The following A2M variants were observed in gnomAD, a reference collection of about 807,000 sequenced individuals.
The protein encoded by A2M is alpha-2-macroglobulin.
Under a neutral mutation model 183.9 loss-of-function variants are expected in A2M, and 128 were observed. The ratio of observed to expected loss-of-function variants is 0.70; its 90% CI spans 0.60 to 0.81. The LOEUF (loss-of-function observed/expected upper bound fraction) is 0.81, where lower values mean the gene tolerates loss of function less well. A2M is among the 30% of genes least tolerant of loss of function. The pLI is 0.00. For missense variants in A2M, 1,495 were observed against 1,787.6 expected (o/e 0.84, Z 2.95); for synonymous variants, 592 against 670.8 (o/e 0.88, Z 1.81).
chr12:9,098,756 C>T lies in A2M; in HGVS notation c.1702G>A (p.Val568Met). 2 of 1,612,506 alleles carry T rather than the reference C, an allele frequency of 1.2e-6. No individual in the cohort carries two copies. Among genetic ancestry groups the T allele is most frequent in the South Asian group, 1.1e-5 (1 of 90,312 alleles). Residue 568 changes from valine (V) to methionine (M), a missense_variant and splice_region_variant, in exon 15 of 36, where the codon GTG becomes ATG. Transcript: ENST00000318602. ...TGTGATGGGCTGAAGCTCAAATCCA[C>T]CTGTGAAATTGGAACAAAAGGTCAG... ...YDVENCLANKVDLSFSPSQSL... is the reference protein window; with the variant it reads ...YDVENCLANKMDLSFSPSQSL...
chr12:9,072,895 G>A lies in A2M; in HGVS notation c.3757-24C>T, dbSNP rs758631230. 5 of 1,595,616 alleles carry A rather than the reference G, an allele frequency of 3.1e-6. No individual in the cohort carries two copies. In the South Asian group the frequency reaches 5.5e-5, roughly 18 times the overall value. On this transcript the variant is annotated intron_variant, in intron 29 of 35. Coordinates refer to ENST00000318602, the MANE Select transcript of A2M (RefSeq NM_000014.6). ...TCCTGTTAGAGACAGATGAGTGAGA[G>A]AACCCATTGGGCATTATAAGGCTTT...
At position 9,072,470 on chromosome 12, in the gene A2M, T is replaced by G. The variant is rs756112202; in HGVS notation, c.3992A>C (p.Asn1331Thr). ...GAACTCTTCCTTTTCTGGGAGAATATTGTATTTCAAGGATGTCTATAGAAC... is the reference window on the plus strand; with the variant it reads ...GAACTCTTCCTTTTCTGGGAGAATAGTGTATTTCAAGGATGTCTATAGAAC... ...CVYLQTSLKY[N>T]ILPEKEEFPF... is the part of the protein sequence containing the mutation. The change falls in exon 31 of 36, where the codon AAT becomes ACT. Residue 1331 changes from asparagine (N) to threonine (T), a missense_variant. Asn to Thr is a moderately conservative substitution (Grantham distance 65, BLOSUM62 0). Coordinates refer to ENST00000318602, the MANE Select transcript of A2M (RefSeq NM_000014.6). The G allele has an allele frequency of 6.2e-7, 1 of 1,611,966 alleles. No individual in the cohort carries two copies. Among genetic ancestry groups the G allele is most frequent in the Non-Finnish European group, 8.5e-7 (1 of 1,179,388 alleles).
chr12:9,089,336 T>C, intron 21 of A2M, 85 bp from the exon 22 acceptor site: 2 of 978,528 alleles, frequency 2.0e-6, no homozygotes, highest in Non-Finnish European at 3.2e-6. Context: ...GATATTTGGA[T>C]AGTGAAGAGA....
chr12:9,095,296 T>C (rs1232497948), intron 16 of A2M, among the ~76,000 whole-genome samples: 1 of 152,202 alleles, frequency 6.6e-6, no homozygotes. Flanking sequence ...TATATGTGAT[T>C]TTAATAAACA....
intron 22 of A2M, among the ~76,000 whole-genome samples, chr12:9,083,950 C>T (rs943615518): frequency 3.9e-5 from 6 of 152,070 alleles, no homozygotes; most frequent in African/African-American, 1.4e-4. Flanking sequence ...AAACATATCA[C>T]ATACAAAGGA....
rs766640574 is a variant in A2M at position 9,098,711 on chromosome 12, C to T, written c.1747G>A (p.Ala583Thr). ...GGAGCCGCTGTGACTCGCAGGTGGG[C>T]GTGTGAGGCTGGGAGACTTTGTGAT... ...SPSQSLPASH[A>T]HLRVTAAPQS... is the part of the protein sequence containing the mutation. The change falls in exon 15 of 36, where the codon GCC (alanine) becomes ACC (threonine). Residue 583 changes from alanine to threonine, a missense_variant. Ala to Thr is a moderately conservative substitution (Grantham distance 58). Coordinates refer to ENST00000318602, the MANE Select transcript of A2M (RefSeq NM_000014.6). 46 of 1,612,626 alleles carry T rather than the reference C, an allele frequency of 2.9e-5. No homozygotes were observed. The highest frequency in any genetic ancestry group is 3.6e-5 in the Non-Finnish European group (43 of 1,179,602).
chr12:9,085,500 T>C (rs746133510), intron 22 of A2M, among the ~76,000 whole-genome samples: 55 of 151,802 alleles, frequency 3.6e-4, no homozygotes, highest in African/African-American at 1.3e-3. Flanking sequence ...AAACATAGCA[T>C]AAAGTAAAAG....
chr12:9,097,839 G>T (rs1949431170), intron 15 of A2M, among the ~76,000 whole-genome samples: 2 of 152,056 alleles, frequency 1.3e-5, no homozygotes. Flanking sequence ...CATTATATTG[G>T]CCAGACTGGT....
chr12:9,114,432 ATACT>A (rs1467838266), intron 1 of A2M, among the ~76,000 whole-genome samples: 1 of 152,190 alleles, frequency 6.6e-6, no homozygotes, highest in African/African-American at 2.4e-5. Flanking sequence ...TTTTAAATTA[ATACT>A]TAGATTACTT....
At chr12:9,105,355 C>A (rs1592384902) in intron 10 of A2M, among the ~76,000 whole-genome samples, 6 of 152,194 alleles carry the variant, frequency 3.9e-5, no homozygotes, top group Admixed American at 3.9e-4. Flanking sequence ...TTACAAAGTA[C>A]ACTATCTTTC....
intron 15 of A2M, among the ~76,000 whole-genome samples, chr12:9,095,926 ATTTTTTG>A (rs1949367523): frequency 6.7e-6 from 1 of 148,178 alleles, no homozygotes. Context: ...CGCCCGGCTA[ATTTTTTG>A]TATTTTTAGT....
At chr12:9,099,210 AAGGAAT>A (rs1347226731) in intron 14 of A2M, among the ~76,000 whole-genome samples, 165 bp downstream of exon 14, 1 of 139,054 alleles carries the variant, frequency 7.2e-6, no homozygotes, top group Non-Finnish European at 1.6e-5. Context: ...AGTTTTGTAT[AAGGAAT>A]CAAGTGATTC....
intron 22 of A2M, among the ~76,000 whole-genome samples, chr12:9,088,808 A>C (rs2137774153): frequency 6.6e-6 from 1 of 152,348 alleles, no homozygotes; most frequent in South Asian, 2.1e-4. Flanking sequence ...TCCCGTTATC[A>C]AATACTGTTG....
chr12:9,073,016 T>C lies in A2M; in HGVS notation c.3757-145A>G. ...TAGGAGCTGTAATTTCAAGATTGAT[T>C]ATAATCTTTAGATAGTTGAAGAACC... On this transcript the variant is annotated intron_variant, in intron 29 of 35. Transcript: ENST00000318602. The C allele has an allele frequency of 1.1e-5, 7 of 636,280 alleles. 1 individual carries two copies. Among genetic ancestry groups the C allele is most frequent in the African/African-American group, 7.3e-5 (4 of 54,684 alleles). The allele number at this position is 636,280 out of a possible 1,614,324, so 39.4% of individuals were successfully genotyped here.
rs1948852940 is a variant in A2M, at chr12:9,079,741, T to C, written c.2929A>G (p.Met977Val). The part of the protein sequence containing the change: ...QMPYGCGEQN[M>V]VLFAPNIYVL... ...TAGATGTTAGGAGCAAAGAGGACCA[T>C]ATTCTGCTCTCCACAGCCATAGGGC... The change falls in exon 24 of 36, where the codon ATG becomes GTG. Residue 977 changes from methionine (M) to valine (V), a missense_variant. Coordinates refer to ENST00000318602, the MANE Select transcript of A2M (RefSeq NM_000014.6). 6.2e-7 allele frequency: 1 copy of C among 1,613,722 alleles called. No individual in the cohort carries two copies. Among genetic ancestry groups the C allele is most frequent in the Non-Finnish European group, 8.5e-7 (1 of 1,179,774 alleles).
At position 9,108,566 on chromosome 12, in the gene A2M, C is replaced by A. The variant is rs915340063; in HGVS notation, c.758+755G>T. Reference sequence around the variant, plus strand: ...GCAAGATCACACCAGTTATGAGGAACCAGGAACTTGGCCATCACTGTGAGA... The same window carrying A: ...GCAAGATCACACCAGTTATGAGGAAACAGGAACTTGGCCATCACTGTGAGA... On this transcript the variant is annotated intron_variant, in intron 7 of 35. Coordinates refer to ENST00000318602, the MANE Select transcript of A2M (RefSeq NM_000014.6). Among the ~76,000 whole-genome samples the A allele has an allele frequency of 3.3e-5, 5 of 152,294 alleles. No homozygotes were observed. In the South Asian group the frequency reaches 6.2e-4, roughly 19 times the overall value.
chr12:9,112,106 T>C (rs981328164), intron 4 of A2M, 53 bp downstream of exon 4: 14 of 1,570,816 alleles, frequency 8.9e-6, no homozygotes, highest in Non-Finnish European at 1.1e-5. Context: ...AAAAAACAGG[T>C]TCCCAGCCTG....
At chr12:9,069,711 C>T (rs199878873) in intron 33 of A2M, 34 bp downstream of exon 33, 166 of 1,561,532 alleles carry the variant, frequency 1.1e-4, no homozygotes, top group Admixed American at 6.6e-4. Flanking sequence ...TTATTATCTA[C>T]GTTTTTTTGC....
chr12:9,106,120 C>T (rs1938263060), intron 10 of A2M, 116 bp downstream of exon 10: 3 of 584,500 alleles, frequency 5.1e-6, no homozygotes. Context: ...ATATTTTATA[C>T]TTTTGGTTAT....
Sources: gnomAD v4.1 joint callset for allele counts (sites outside exome capture counted in the v4.1 genomes callset) on GRCh38, gnomAD v4.1.1 for gene constraint, MANE v1.5 for transcripts, NCBI Gene and HGNC (gene_info 2026-07-23, HGNC 2026-07-21) for gene names.